The following GNS variants were observed in gnomAD, a reference collection of about 807,000 sequenced individuals.
GNS encodes the protein glucosamine (N-acetyl)-6-sulfatase, also known as N-acetylglucosamine-6-sulfatase.
In GNS, 40 loss-of-function variants were observed where a neutral mutation model predicts 69.7. That is an observed-to-expected ratio of 0.57 (90% CI 0.45 to 0.75). The LOEUF is 0.75. GNS is among the 30% of genes least tolerant of loss of function. GNS has a pLI of 0.00. For missense variants in GNS, 565 were observed against 685.5 expected (o/e 0.82, Z 1.96); for synonymous variants, 243 against 251.6 (o/e 0.97, Z 0.32).
intron 13 of GNS, among the ~76,000 whole-genome samples, chr12:64,717,241 G>A (rs1028964078): frequency 7.2e-5 from 11 of 152,196 alleles, no homozygotes; most frequent in African/African-American, 2.7e-4. Flanking sequence ...GCCATAAAGT[G>A]CTTCCTTTAA....
In GNS at chr12:64,747,877, G is replaced by A. The variant is rs1367079611; in HGVS notation, c.294C>T (p.Ile98=). 1 of 1,611,114 alleles carries A rather than the reference G, an allele frequency of 6.2e-7. No homozygotes were observed. The highest frequency in any genetic ancestry group is 8.5e-7 in the Non-Finnish European group (1 of 1,177,478). ...SALCCPSRAS[I]LTGKYPHNHH... ...GATTATGTGGGTACTTTCCTGTCAG[G>A]ATACTGGCTCTGCTGGGGCAGCAGA... The change falls in exon 3 of 14, where the codon ATC becomes ATT. Residue 98 remains isoleucine (I), a synonymous_variant. Coordinates refer to ENST00000258145, the MANE Select transcript of GNS (RefSeq NM_002076.4).
intron 1 of GNS, among the ~76,000 whole-genome samples, chr12:64,754,267 C>T (rs1427880173): frequency 6.6e-6 from 1 of 152,014 alleles, no homozygotes; most frequent in African/African-American, 2.4e-5. Context: ...GTGGTAAGTG[C>T]TATGAAGAGA....
rs899080673 is a variant in GNS at position 64,715,660 on chromosome 12, A to C, written c.*1081T>G. 6.5e-6 allele frequency: 1 copy of C among 154,408 alleles called. No individual in the cohort carries two copies. The highest frequency in any genetic ancestry group is 2.4e-5 in the African/African-American group (1 of 41,534). The allele number at this position is 154,408 out of a possible 1,614,324, so 9.6% of individuals were successfully genotyped here. A position where few individuals can be genotyped will look rare whatever the true frequency, so the allele number is the denominator to read the frequency against. On this transcript the variant is annotated 3_prime_UTR_variant, in exon 14 of 14. Coordinates refer to ENST00000258145, the MANE Select transcript of GNS (RefSeq NM_002076.4). ...ATCTAAAAGGGGAGAAGGTAGGGTA[A>C]AGTAGTTGATACTTTGCATCAACTG...
chr12:64,716,897 A>G, intron 13 of GNS, 78 bp from the exon 14 acceptor site: 1 of 919,032 alleles, frequency 1.1e-6, no homozygotes. Context: ...AAAGGATAGC[A>G]GGAAGGGGTG....
chr12:64,729,865 T>TAG (rs1869327021), intron 9 of GNS, among the ~76,000 whole-genome samples: 3 of 152,172 alleles, frequency 2.0e-5, no homozygotes, highest in African/African-American at 4.8e-5. Flanking sequence ...CCTATAAAAA[T>TAG]ATCTGAATAT....
rs546842446 is a variant in GNS at position 64,727,514 on chromosome 12, G to A, written c.1200+1442C>T. On this transcript the variant is annotated intron_variant, in intron 10 of 13. Coordinates refer to ENST00000258145, the MANE Select transcript of GNS (RefSeq NM_002076.4). ...AAACAGCCCAAATATCTGATGAATG[G>A]ATAAATAAAATGTGATATATTCACA... Among the ~76,000 whole-genome samples, 417 of 152,182 alleles carry A rather than the reference G, an allele frequency of 2.7e-3. 2 individuals carry two copies. The highest frequency in any genetic ancestry group is 9.5e-3 in the African/African-American group (396 of 41,508).
At chr12:64,731,852 CTT>C (rs1869401104) in intron 9 of GNS, among the ~76,000 whole-genome samples, 1 of 152,166 alleles carries the variant, frequency 6.6e-6, no homozygotes, top group Non-Finnish European at 1.5e-5. Flanking sequence ...AGGAGGATCA[CTT>C]GAGCTCAGGA....
intron 13 of GNS, 99 bp downstream of exon 13, chr12:64,719,923 A>C (rs1246902721): frequency 1.2e-5 from 10 of 810,628 alleles, no homozygotes; most frequent in African/African-American, 8.4e-5. Context: ...AAAGCAGAAG[A>C]ATCATCATCT....
chr12:64,744,750 C>G (rs1187138257), intron 5 of GNS, 59 bp downstream of exon 5: 3 of 823,896 alleles, frequency 3.6e-6, no homozygotes, highest in Non-Finnish European at 6.6e-6. Flanking sequence ...TAGGCAGAGT[C>G]TTCAATCAAA....
At chr12:64,740,465 C>T in intron 7 of GNS, 141 bp downstream of exon 7, 2 of 682,106 alleles carry the variant, frequency 2.9e-6, no homozygotes, top group Non-Finnish European at 5.4e-6. Context: ...GCTTCTGGTG[C>T]CCCATCGAAG....
intron 1 of GNS, among the ~76,000 whole-genome samples, chr12:64,756,930 G>C (rs1870269626): frequency 6.6e-6 from 1 of 152,124 alleles, no homozygotes. Flanking sequence ...TGAGGTCCAG[G>C]AGTTCAAGAG....
rs1231561593 is a variant in GNS at position 64,741,064 on chromosome 12, G to GTTGCTTTTTTTGAGACAGA, written c.793-377_793-376insTCTGTCTCAAAAAAAGCAA. ...ACTACAATTAGAAAATGGGCAAATA[G>GTTGCTTTTTTTGAGACAGA]GGCGTAGTGGCGGGCGCCTGTAGTC... On this transcript the variant is annotated intron_variant, in intron 6 of 13. Coordinates refer to ENST00000258145, the MANE Select transcript of GNS (RefSeq NM_002076.4). 3.2e-3 allele frequency among the ~76,000 whole-genome samples: 57 copies of GTTGCTTTTTTTGAGACAGA among 17,590 alleles called. 1 individual carries two copies. Among genetic ancestry groups the GTTGCTTTTTTTGAGACAGA allele is most frequent in the Middle Eastern group, 0.017 (1 of 60 alleles). 11.5% of individuals were successfully genotyped at this position (17,590 alleles called of 152,430 possible).
Position 64,714,297 on chromosome 12 carries a change from C to T in GNS, c.*2444G>A, listed in dbSNP as rs1205637925. ...TTCCTAATGTTTACATGGTTCTCTA[C>T]TCTGAAGGGCACCAACATGGACCTC... On this transcript the variant is annotated 3_prime_UTR_variant, in exon 14 of 14. Coordinates refer to ENST00000258145, the MANE Select transcript of GNS (RefSeq NM_002076.4). 4 of 152,150 alleles carry T rather than the reference C, an allele frequency of 2.6e-5. No individual in the cohort carries two copies. Among genetic ancestry groups the T allele is most frequent in the African/African-American group, 9.7e-5 (4 of 41,426 alleles). The allele number at this position is 152,150 out of a possible 1,614,324, so 9.4% of individuals were successfully genotyped here.
chr12:64,737,559 AAAAG>A lies in GNS; in HGVS notation c.995-456_995-453del, dbSNP rs542034038. ...CTGAGGAATTTCAGCTAATAAATAC[AAAAG>A]AAAGGACAGGATTACAAAATCAATA... On this transcript the variant is annotated intron_variant, in intron 8 of 13. Transcript: ENST00000258145. Among the ~76,000 whole-genome samples the A allele has an allele frequency of 5.5e-3, 838 of 152,340 alleles. 4 individuals are homozygous for A. Among genetic ancestry groups the A allele is most frequent in the Middle Eastern group, 0.01 (3 of 294 alleles).
At chr12:64,729,767 G>A (rs1439650830) in intron 9 of GNS, among the ~76,000 whole-genome samples, 1 of 151,902 alleles carries the variant, frequency 6.6e-6, no homozygotes, top group Non-Finnish European at 1.5e-5. Flanking sequence ...GTAGCCTAAT[G>A]GAAATATAAA....
intron 9 of GNS, among the ~76,000 whole-genome samples, chr12:64,730,272 G>GA (rs1233255952): frequency 6.6e-6 from 1 of 152,046 alleles, no homozygotes; most frequent in Non-Finnish European, 1.5e-5. Context: ...CTTATAACTG[G>GA]AAAAGCCATT....
intron 8 of GNS, 56 bp downstream of exon 8, chr12:64,739,325 G>T: frequency 3.3e-6 from 3 of 919,322 alleles, no homozygotes; most frequent in Non-Finnish European, 5.5e-6. Context: ...CTCATTGGGT[G>T]AAAAAGGAAA....
At chr12:64,742,256 G>A (rs748836034) in intron 6 of GNS, among the ~76,000 whole-genome samples, 16 of 152,262 alleles carry the variant, frequency 1.1e-4, no homozygotes, top group East Asian at 1.9e-4. Context: ...TCCTGACCTC[G>A]TGATTCGCCC....
chr12:64,738,330 T>C (rs1869616647), intron 8 of GNS, among the ~76,000 whole-genome samples: 1 of 152,200 alleles, frequency 6.6e-6, no homozygotes, highest in South Asian at 2.1e-4. Flanking sequence ...TGATACATAA[T>C]AACCAGAGTC....
Sources: allele counts gnomAD v4.1 joint callset (sites outside exome capture counted in the v4.1 genomes callset), GRCh38; gene constraint gnomAD v4.1.1; transcripts MANE v1.5; gene names NCBI Gene and HGNC (gene_info 2026-07-23, HGNC 2026-07-21).